The following AUTS2 variants were observed in gnomAD, a reference collection of about 807,000 sequenced individuals.
AUTS2 encodes activator of transcription and developmental regulator AUTS2, also known as autism susceptibility gene 2 protein.
AUTS2 carries 17 observed loss-of-function variants against 112.4 expected under a neutral mutation model. The observed-to-expected ratio is 0.15, with a 90% CI of 0.10 to 0.23. The LOEUF (loss-of-function observed/expected upper bound fraction) is 0.23, where lower values mean the gene tolerates loss of function less well. Ranked by LOEUF, AUTS2 falls within the 10% of genes least tolerant of loss-of-function variation. The pLI is 1.00. For synonymous variants in AUTS2, 751 were observed against 702.7 expected, an observed-to-expected ratio of 1.07 and a Z score of -1.09; for missense variants, 1,510 against 1,701.6, an observed-to-expected ratio of 0.89 and a Z score of 1.98.
chr7:70,644,215 A>T (rs1325749555), intron 5 of AUTS2, among the ~76,000 whole-genome samples: 1 of 152,144 alleles, frequency 6.6e-6, no homozygotes, highest in Admixed American at 6.5e-5. Context: ...CAAAGAATAA[A>T]TTCATCTATA....
chr7:69,945,939 C>G (rs1796793513), intron 2 of AUTS2, among the ~76,000 whole-genome samples: 1 of 152,128 alleles, frequency 6.6e-6, no homozygotes, highest in African/African-American at 2.4e-5. Flanking sequence ...TGGGCTCAAG[C>G]AATCTTCCCA....
intron 5 of AUTS2, among the ~76,000 whole-genome samples, chr7:70,576,908 A>G (rs1167378548): frequency 6.6e-6 from 1 of 152,218 alleles, no homozygotes; most frequent in Non-Finnish European, 1.5e-5. Flanking sequence ...AACATTTCAT[A>G]GATCCCTTGG....
intron 5 of AUTS2, among the ~76,000 whole-genome samples, chr7:70,635,610 G>A (rs1805494924): frequency 6.6e-6 from 1 of 152,184 alleles, no homozygotes; most frequent in Non-Finnish European, 1.5e-5. Context: ...CCCATCTCTA[G>A]GTGGCCTGGC....
rs73442425 is a variant in AUTS2, at chr7:70,086,275, G to T, written c.523-31857G>T. On this transcript the variant is annotated intron_variant, in intron 2 of 18. Transcript: ENST00000342771. ...ATTTCAAAAAATTGATATCTTAGCAGTATTGAGTCTTTTAACTCATAAACA... is the reference window on the plus strand; with the variant it reads ...ATTTCAAAAAATTGATATCTTAGCATTATTGAGTCTTTTAACTCATAAACA... Among the ~76,000 whole-genome samples, 782 of 152,234 alleles carry T rather than the reference G, an allele frequency of 5.1e-3. 8 individuals carry two copies. The highest frequency in any genetic ancestry group is 0.018 in the African/African-American group (737 of 41,558).
At chr7:70,137,065 C>G (rs1806603817) in intron 4 of AUTS2, among the ~76,000 whole-genome samples, 1 of 152,126 alleles carries the variant, frequency 6.6e-6, no homozygotes, top group Non-Finnish European at 1.5e-5. Context: ...AAGGAGAAGC[C>G]TTTGTTTTTG....
chr7:70,496,970 G>T (rs1305744234), intron 5 of AUTS2, among the ~76,000 whole-genome samples: 1 of 106,568 alleles, frequency 9.4e-6, no homozygotes, highest in Non-Finnish European at 1.8e-5. Context: ...CGTCACATCA[G>T]CGTCGATCAC....
At chr7:70,119,741 G>C (rs1805585697) in intron 3 of AUTS2, 1 of 151,948 alleles carries the variant, frequency 6.6e-6, no homozygotes, top group South Asian at 2.1e-4. Flanking sequence ...AAGTGAGAGA[G>C]TAGCACCATG....
At chr7:70,298,279 A>T (rs977520572) in intron 4 of AUTS2, among the ~76,000 whole-genome samples, 1 of 151,974 alleles carries the variant, frequency 6.6e-6, no homozygotes, top group Non-Finnish European at 1.5e-5. Flanking sequence ...TGATCCACCC[A>T]CCTCAGCCCC....
At chr7:69,721,255 G>A (rs1356162469) in intron 1 of AUTS2, among the ~76,000 whole-genome samples, 2 of 152,146 alleles carry the variant, frequency 1.3e-5, no homozygotes, top group African/African-American at 2.4e-5. Context: ...AGGCTGTCAC[G>A]TTTACTTTTC....
rs1209127891 is a variant in AUTS2 at position 70,668,295 on chromosome 7, A to G, written c.691-30274A>G. On this transcript the variant is annotated intron_variant, in intron 5 of 18. Coordinates refer to ENST00000342771, the MANE Select transcript of AUTS2 (RefSeq NM_015570.4). ...CGCCCAGCCAGATTCTGCATTTCTA[A>G]AAAGCTCCCAGGCAGTGCCAGTGCT... Among the ~76,000 whole-genome samples the G allele has an allele frequency of 3.3e-5, 5 of 152,158 alleles. No homozygotes were observed. The South Asian group carries it at 1.0e-3, about 31-fold the overall frequency.
intron 2 of AUTS2, among the ~76,000 whole-genome samples, chr7:70,112,483 TG>T (rs928280083): frequency 7.9e-5 from 12 of 152,060 alleles, no homozygotes; most frequent in African/African-American, 1.4e-4. Context: ...TTTTAACCTC[TG>T]CGTCCTTTTT....
intron 4 of AUTS2, among the ~76,000 whole-genome samples, chr7:70,391,512 A>G (rs542488149): frequency 1.3e-5 from 2 of 152,270 alleles, no homozygotes; most frequent in South Asian, 2.1e-4. Flanking sequence ...GGCCCTCACA[A>G]TAAGAGAGTA....
At chr7:70,662,652 G>A (rs1245242245) in intron 5 of AUTS2, among the ~76,000 whole-genome samples, 1 of 152,204 alleles carries the variant, frequency 6.6e-6, no homozygotes, top group African/African-American at 2.4e-5. Flanking sequence ...TTCCCTGGGA[G>A]GAAGTTCTCT....
chr7:70,509,938 T>C (rs538091355), intron 5 of AUTS2, among the ~76,000 whole-genome samples: 2 of 152,350 alleles, frequency 1.3e-5, no homozygotes, highest in East Asian at 1.9e-4. Context: ...TACTTGAAAC[T>C]GTACCCCCTA....
At chr7:69,791,406 A>G (rs2129326157) in intron 1 of AUTS2, among the ~76,000 whole-genome samples, 1 of 152,312 alleles carries the variant, frequency 6.6e-6, no homozygotes, top group South Asian at 2.1e-4. Flanking sequence ...AAAAACCTGA[A>G]TATAGCACAG....
In AUTS2 at chr7:70,502,187, C is replaced by T. The variant is rs1459214160; in HGVS notation, c.690+66406C>T. Among the ~76,000 whole-genome samples, 3 of 152,284 alleles carry T rather than the reference C, an allele frequency of 2.0e-5. 1 individual carries two copies. Among genetic ancestry groups the T allele is most frequent in the South Asian group, 4.1e-4 (2 of 4,822 alleles). On this transcript the variant is annotated intron_variant, in intron 5 of 18. Coordinates refer to ENST00000342771, the MANE Select transcript of AUTS2 (RefSeq NM_015570.4). The stretch of plus-strand genomic sequence containing the variant: ...GTTTGACAGTTCCAGTTTCTAGGAC[C>T]TCCAGCTGCAAGTGCTGCTTCGACC...
At chr7:70,299,372 T>A (rs1366669637) in intron 4 of AUTS2, among the ~76,000 whole-genome samples, 2 of 152,224 alleles carry the variant, frequency 1.3e-5, no homozygotes, top group Non-Finnish European at 1.5e-5. Flanking sequence ...GAGTTCGGAA[T>A]AGATCCTACA....
At chr7:70,479,989 C>T (rs1279804801) in intron 5 of AUTS2, among the ~76,000 whole-genome samples, 2 of 152,106 alleles carry the variant, frequency 1.3e-5, no homozygotes, top group African/African-American at 4.8e-5. Flanking sequence ...ACAGACTGTC[C>T]CCCCAAAATA....
At chr7:70,716,129 C>T (rs1217296563) in intron 6 of AUTS2, among the ~76,000 whole-genome samples, 6 of 152,084 alleles carry the variant, frequency 3.9e-5, no homozygotes, top group Non-Finnish European at 2.9e-5. Flanking sequence ...GGGAGGCTGC[C>T]CACGTATATT....
Sources: allele counts gnomAD v4.1 joint callset (sites outside exome capture counted in the v4.1 genomes callset), GRCh38; gene constraint gnomAD v4.1.1; transcripts MANE v1.5; gene names NCBI Gene and HGNC (gene_info 2026-07-23, HGNC 2026-07-21).